RBFOX1: variants seen among roughly 807,000 people sequenced by gnomAD.
RBFOX1 encodes the protein RNA binding protein fox-1 homolog 1.
In RBFOX1, 8 loss-of-function variants were observed where a neutral mutation model predicts 57.7. The observed-to-expected ratio is 0.14, with a 90% confidence interval of 0.08 to 0.25. The LOEUF (loss-of-function observed/expected upper bound fraction) is 0.25, where lower values mean the gene tolerates loss of function less well. Among genes scored for constraint, RBFOX1 ranks in the 10% least tolerant of loss-of-function variants. RBFOX1 has a pLI of 1.00. For synonymous variants in RBFOX1, 326 were observed against 222.4 expected (o/e 1.47, Z -4.15); for missense variants, 611 against 548.5 (o/e 1.11, Z -1.14).
intron 3 of RBFOX1, among the ~76,000 whole-genome samples, chr16:5,824,258 T>A (rs1481753177): frequency 2.0e-5 from 3 of 152,204 alleles, no homozygotes; most frequent in Non-Finnish European, 4.4e-5. Flanking sequence ...TCCGAGGACT[T>A]GTGAAGAGCC....
chr16:5,636,981 GTTC>G (rs1404411699), intron 3 of RBFOX1, among the ~76,000 whole-genome samples: 18 of 152,320 alleles, frequency 1.2e-4, no homozygotes, highest in African/African-American at 3.4e-4. Flanking sequence ...ATATGCATTT[GTTC>G]TTCTTGTGGG....
chr16:5,936,396 T>C (rs2059169888), intron 4 of RBFOX1, among the ~76,000 whole-genome samples: 1 of 152,170 alleles, frequency 6.6e-6, no homozygotes. Flanking sequence ...AGTGCTGGGA[T>C]TACAAGTATG....
intron 3 of RBFOX1, among the ~76,000 whole-genome samples, chr16:6,932,373 C>CT (rs1267851517): frequency 6.6e-6 from 1 of 152,212 alleles, no homozygotes; most frequent in African/African-American, 2.4e-5. Flanking sequence ...TCCCTAAGTG[C>CT]TGGGATTACA....
chr16:6,112,728 G>A (rs938448327), intron 1 of RBFOX1, among the ~76,000 whole-genome samples: 4 of 152,128 alleles, frequency 2.6e-5, no homozygotes, highest in Non-Finnish European at 5.9e-5. Context: ...GGTGAGAGAT[G>A]GAGTGGAATC....
intron 4 of RBFOX1, among the ~76,000 whole-genome samples, chr16:7,471,549 G>A (rs1212983846): frequency 1.3e-5 from 2 of 151,912 alleles, no homozygotes; most frequent in East Asian, 1.9e-4. Flanking sequence ...AACATCAGTA[G>A]GACATTTCAA....
At chr16:5,496,358 C>G in intron 2 of RBFOX1, among the ~76,000 whole-genome samples, 1 of 152,136 alleles carries the variant, frequency 6.6e-6, no homozygotes, top group East Asian at 1.9e-4. Context: ...TCCCTTAGCC[C>G]TCCTGTACCA....
chr16:7,414,939 C>G (rs1367745047), intron 4 of RBFOX1, among the ~76,000 whole-genome samples: 1 of 152,138 alleles, frequency 6.6e-6, no homozygotes, highest in African/African-American at 2.4e-5. Context: ...ATCCCTGTAA[C>G]AGATTATGCA....
intron 3 of RBFOX1, among the ~76,000 whole-genome samples, chr16:6,912,704 A>G (rs1373073344): frequency 6.6e-6 from 1 of 151,030 alleles, no homozygotes; most frequent in African/African-American, 2.4e-5. Flanking sequence ...TAGCGCCCCA[A>G]CCTCCTGGGC....
intron 1 of RBFOX1, among the ~76,000 whole-genome samples, chr16:6,282,670 A>C (rs1268395332): frequency 1.3e-5 from 2 of 151,920 alleles, no homozygotes; most frequent in Non-Finnish European, 2.9e-5. Context: ...GTTTGCTGAG[A>C]ATGATGGTTT....
At chr16:6,650,939 G>T (rs373294117) in intron 2 of RBFOX1, among the ~76,000 whole-genome samples, 7 of 152,068 alleles carry the variant, frequency 4.6e-5, no homozygotes, top group African/African-American at 1.2e-4. Context: ...GTCTCACTTC[G>T]TTGCCCAGGC....
At chr16:6,997,568 G>T (rs894675860) in intron 3 of RBFOX1, among the ~76,000 whole-genome samples, 1 of 152,100 alleles carries the variant, frequency 6.6e-6, no homozygotes, top group Non-Finnish European at 1.5e-5. Flanking sequence ...AAATTGCACA[G>T]CCAGAAATTT....
chr16:5,746,332 G>T (rs1253703930), intron 3 of RBFOX1, among the ~76,000 whole-genome samples: 1 of 152,162 alleles, frequency 6.6e-6, no homozygotes, highest in East Asian at 1.9e-4. Context: ...TGCTGTTTTG[G>T]TTACTGTAGC....
chr16:6,688,809 C>T (rs1346260165), intron 3 of RBFOX1, among the ~76,000 whole-genome samples: 1 of 152,054 alleles, frequency 6.6e-6, no homozygotes, highest in African/African-American at 2.4e-5. Context: ...CCCGACAGGC[C>T]CTGGTGTGTG....
intron 3 of RBFOX1, among the ~76,000 whole-genome samples, chr16:5,782,857 A>G (rs549241568): frequency 3.3e-5 from 5 of 152,174 alleles, no homozygotes; most frequent in Non-Finnish European, 7.3e-5. Flanking sequence ...AGATGAACTG[A>G]GATGTTTCAG....
chr16:6,505,764 G>C (rs555167785), intron 2 of RBFOX1, among the ~76,000 whole-genome samples: 1 of 152,346 alleles, frequency 6.6e-6, no homozygotes, highest in South Asian at 2.1e-4. Context: ...ACATACGTAA[G>C]AGTGGTACAT....
chr16:6,831,438 A>G (rs1170751823), intron 3 of RBFOX1, among the ~76,000 whole-genome samples: 1 of 152,204 alleles, frequency 6.6e-6, no homozygotes, highest in African/African-American at 2.4e-5. Context: ...ATTTAACCAC[A>G]TAATTATACC....
intron 1 of RBFOX1, among the ~76,000 whole-genome samples, chr16:6,075,240 C>T (rs1263901154): frequency 6.6e-6 from 1 of 152,136 alleles, no homozygotes; most frequent in African/African-American, 2.4e-5. Flanking sequence ...ATGCCATTAC[C>T]GATGCATAAA....
intron 3 of RBFOX1, among the ~76,000 whole-genome samples, chr16:5,697,947 A>G (rs1249898319): frequency 6.6e-6 from 1 of 152,162 alleles, no homozygotes; most frequent in Non-Finnish European, 1.5e-5. Context: ...TTTTATAATG[A>G]GTAGGTATTA....
intron 4 of RBFOX1, among the ~76,000 whole-genome samples, chr16:7,202,821 AG>A (rs2088936843): frequency 6.6e-6 from 1 of 152,124 alleles, no homozygotes; most frequent in Non-Finnish European, 1.5e-5. Flanking sequence ...CCTGGCCATT[AG>A]TTTATCTTCC....
Sources: allele counts gnomAD v4.1 joint callset (sites outside exome capture counted in the v4.1 genomes callset), GRCh38; gene constraint gnomAD v4.1.1; transcripts MANE v1.5; gene names NCBI Gene and HGNC (gene_info 2026-07-23, HGNC 2026-07-21).